The following GMDS variants were observed in gnomAD, a reference collection of about 807,000 sequenced individuals.
The protein encoded by GMDS is GDP-mannose 4,6-dehydratase.
GMDS carries 20 observed loss-of-function variants against 49.9 expected under a neutral mutation model. That is an observed-to-expected ratio of 0.40 (90% confidence interval 0.28 to 0.58). The LOEUF (loss-of-function observed/expected upper bound fraction) is 0.58. Among genes scored for constraint, GMDS ranks in the 20% least tolerant of loss-of-function variants. GMDS has a pLI of 0.42. For missense variants in GMDS, 362 were observed against 481.4 expected (o/e 0.75, Z 2.32); for synonymous variants, 177 against 178.6 (o/e 0.99, Z 0.07).
At chr6:1,845,042 T>C (rs1340750377) in intron 7 of GMDS, among the ~76,000 whole-genome samples, 1 of 152,224 alleles carries the variant, frequency 6.6e-6, no homozygotes, top group African/African-American at 2.4e-5. Flanking sequence ...GTACTCTTAA[T>C]ATTTTTCTCA....
chr6:2,106,236 A>G (rs957287270), intron 4 of GMDS, among the ~76,000 whole-genome samples: 2 of 152,228 alleles, frequency 1.3e-5, no homozygotes, highest in Non-Finnish European at 2.9e-5. Context: ...GGCACTGGTA[A>G]GGTATCCAAT....
At chr6:2,053,561 T>C (rs1770588337) in intron 4 of GMDS, among the ~76,000 whole-genome samples, 1 of 152,066 alleles carries the variant, frequency 6.6e-6, no homozygotes, top group Non-Finnish European at 1.5e-5. Context: ...CATTGAAACC[T>C]ACACTTATTA....
At chr6:2,161,702 G>A (rs889228328) in intron 1 of GMDS, among the ~76,000 whole-genome samples, 6 of 152,198 alleles carry the variant, frequency 3.9e-5, no homozygotes, top group East Asian at 1.9e-4. Flanking sequence ...AAGGACCTAC[G>A]TGGGGCTGGT....
At chr6:2,061,974 G>A (rs74578661) in intron 4 of GMDS, among the ~76,000 whole-genome samples, 1,922 of 152,214 alleles carry the variant, frequency 0.013, 44 homozygotes, top group African/African-American at 0.044. Context: ...GAAATCCTAA[G>A]CCACAGCAAG....
At chr6:1,939,986 C>A (rs1337571466) in intron 6 of GMDS, among the ~76,000 whole-genome samples, 1 of 152,046 alleles carries the variant, frequency 6.6e-6, no homozygotes, top group African/African-American at 2.4e-5. Flanking sequence ...CACAAAATTA[C>A]TTCTTTTTGA....
intron 7 of GMDS, among the ~76,000 whole-genome samples, chr6:1,797,277 C>G (rs1205692167): frequency 6.6e-6 from 1 of 152,170 alleles, no homozygotes; most frequent in Non-Finnish European, 1.5e-5. Flanking sequence ...TCCCCACCCC[C>G]CAGTCAGTGG....
At chr6:1,929,746 G>A (rs1762200389) in intron 7 of GMDS, among the ~76,000 whole-genome samples, 1 of 152,178 alleles carries the variant, frequency 6.6e-6, no homozygotes, top group South Asian at 2.1e-4. Flanking sequence ...ACATTGAAAT[G>A]AGGCAGTATT....
chr6:2,214,540 C>T (rs1016362530), intron 1 of GMDS, among the ~76,000 whole-genome samples: 1 of 152,084 alleles, frequency 6.6e-6, no homozygotes, highest in African/African-American at 2.4e-5. Context: ...AGAATGTGTG[C>T]AGGTTACATG....
chr6:1,666,964 G>T (rs541172681), intron 9 of GMDS, among the ~76,000 whole-genome samples: 2 of 152,162 alleles, frequency 1.3e-5, no homozygotes, highest in Non-Finnish European at 2.9e-5. Flanking sequence ...TCTGCTGAGC[G>T]CTAGGACCTT....
chr6:1,938,286 G>A (rs1762645856), intron 6 of GMDS, among the ~76,000 whole-genome samples: 1 of 152,152 alleles, frequency 6.6e-6, no homozygotes, highest in Non-Finnish European at 1.5e-5. Flanking sequence ...TGAAAATTCT[G>A]TGTGAATTCC....
At chr6:1,799,076 T>C (rs1460689103) in intron 7 of GMDS, among the ~76,000 whole-genome samples, 1 of 151,988 alleles carries the variant, frequency 6.6e-6, no homozygotes, top group Non-Finnish European at 1.5e-5. Context: ...CTCCTACCGA[T>C]CCCTAGGATA....
rs569568018 is a variant in GMDS at position 1,681,347 on chromosome 6, T to C, written c.987+45069A>G. Among the ~76,000 whole-genome samples, 43 of 152,290 alleles carry C rather than the reference T, an allele frequency of 2.8e-4. 1 individual carries two copies. Among genetic ancestry groups the C allele is most frequent in the Admixed American group, 2.2e-3 (34 of 15,300 alleles). On this transcript the variant is annotated intron_variant, in intron 9 of 10. Coordinates refer to ENST00000380815, the MANE Select transcript of GMDS (RefSeq NM_001500.4). ...ACATCTTACTACAGATTCTGTTACA[T>C]GGTGGGATATGTCACTGCATTTTCA...
chr6:1,967,695 T>C (rs1372082481), intron 4 of GMDS, among the ~76,000 whole-genome samples: 1 of 152,170 alleles, frequency 6.6e-6, no homozygotes, highest in Non-Finnish European at 1.5e-5. Context: ...ATATCATTCT[T>C]AAGGCGCAGT....
intron 9 of GMDS, among the ~76,000 whole-genome samples, chr6:1,654,525 T>C (rs976965030): frequency 1.3e-5 from 2 of 152,172 alleles, no homozygotes; most frequent in Non-Finnish European, 2.9e-5. Context: ...AGACAAATAC[T>C]CCATGGTTCC....
rs140936162 is a variant in GMDS at position 1,738,194 on chromosome 6, TACAC to T, written c.890+4270_890+4273del. On this transcript the variant is annotated intron_variant, in intron 8 of 10. Coordinates refer to ENST00000380815, the MANE Select transcript of GMDS (RefSeq NM_001500.4). ...ACATACACACACACATATACACACATACACACACACATACACACACACAGATGCT... is the reference window on the plus strand; with the variant it reads ...ACATACACACACACATATACACACATACACACATACACACACACAGATGCT... 9.5e-5 allele frequency among the ~76,000 whole-genome samples: 14 copies of T among 147,930 alleles called. 1 individual carries two copies. In the East Asian group the frequency reaches 1.4e-3, roughly 15 times the overall value.
intron 7 of GMDS, among the ~76,000 whole-genome samples, chr6:1,763,752 C>A (rs887470416): frequency 6.6e-6 from 1 of 152,200 alleles, no homozygotes; most frequent in Non-Finnish European, 1.5e-5. Flanking sequence ...AGCGGAAGAA[C>A]CAGTTTCTCC....
chr6:1,871,654 G>C (rs1758762064), intron 7 of GMDS, among the ~76,000 whole-genome samples: 1 of 152,142 alleles, frequency 6.6e-6, no homozygotes, highest in Non-Finnish European at 1.5e-5. Context: ...AAACATACTT[G>C]ATACTTGTTC....
At chr6:1,767,240 C>A (rs746789734) in intron 7 of GMDS, among the ~76,000 whole-genome samples, 7 of 147,690 alleles carry the variant, frequency 4.7e-5, no homozygotes, top group Non-Finnish European at 1.0e-4. Context: ...AGAAAATATC[C>A]TTTGTAAAAT....
At chr6:1,652,824 C>T (rs1166181715) in intron 9 of GMDS, among the ~76,000 whole-genome samples, 1 of 133,594 alleles carries the variant, frequency 7.5e-6, no homozygotes, top group East Asian at 2.2e-4. Flanking sequence ...AGGTCTCCCT[C>T]CTGTCCGGAC....
Sources: allele counts gnomAD v4.1 joint callset (sites outside exome capture counted in the v4.1 genomes callset), GRCh38; gene constraint gnomAD v4.1.1; transcripts MANE v1.5; gene names NCBI Gene and HGNC (gene_info 2026-07-23, HGNC 2026-07-21).